Variants in RASSF3 observed in about 807,000 individuals in gnomAD.
RASSF3 encodes the protein ras association domain-containing protein 3.
In RASSF3, 19 loss-of-function variants were observed where a neutral mutation model predicts 19.9. The ratio of observed to expected loss-of-function variants is 0.96; its 90% CI spans 0.67 to 1.40. The LOEUF (loss-of-function observed/expected upper bound fraction) is 1.40. Ranked by LOEUF, RASSF3 falls within the 40% of genes most tolerant of loss-of-function variation. RASSF3 has a pLI of 0.00. For synonymous variants in RASSF3, 110 were observed against 104.2 expected, an observed-to-expected ratio of 1.06 and a Z score of -0.34; for missense variants, 306 against 289.8, an observed-to-expected ratio of 1.06 and a Z score of -0.41.
intron 1 of RASSF3, among the ~76,000 whole-genome samples, chr12:64,623,499 A>G (rs1870867701): frequency 6.6e-6 from 1 of 152,174 alleles, no homozygotes; most frequent in African/African-American, 2.4e-5. Flanking sequence ...AAATGTAAAT[A>G]TTATGTAGAT....
At chr12:64,566,099 G>T (rs1869426659) in intron 2 of RASSF3, among the ~76,000 whole-genome samples, 1 of 151,484 alleles carries the variant, frequency 6.6e-6, no homozygotes, top group Non-Finnish European at 1.5e-5. Flanking sequence ...TACTCAGGAG[G>T]CTGAGGCAGG....
chr12:64,670,544 C>CTTTT (rs34897392), intron 1 of RASSF3, among the ~76,000 whole-genome samples: 1 of 131,334 alleles, frequency 7.6e-6, no homozygotes, highest in Non-Finnish European at 1.6e-5. Flanking sequence ...CTCTCTCTCT[C>CTTTT]TTTTTTTTTT....
At chr12:64,655,632 C>T (rs1872129894) in intron 1 of RASSF3, among the ~76,000 whole-genome samples, 1 of 152,022 alleles carries the variant, frequency 6.6e-6, no homozygotes, top group South Asian at 2.1e-4. Flanking sequence ...ATATCTTAGT[C>T]ACTGTTACTT....
intron 1 of RASSF3, among the ~76,000 whole-genome samples, chr12:64,524,183 C>G (rs957123266): frequency 1.3e-5 from 2 of 151,828 alleles, no homozygotes; most frequent in Non-Finnish European, 2.9e-5. Context: ...TCCCAAGTAG[C>G]TGGGACTACA....
At chr12:64,640,780 C>T (rs12367950) in intron 1 of RASSF3, among the ~76,000 whole-genome samples, 21,623 of 151,994 alleles carry the variant, frequency 0.14, 2,243 homozygotes, top group African/African-American at 0.3. Flanking sequence ...ATAGCTGGGA[C>T]TAGAGGCATG....
chr12:64,560,186 G>A lies in RASSF3; in HGVS notation c.294+18481G>A, dbSNP rs78452820. 4.4e-3 allele frequency among the ~76,000 whole-genome samples: 667 copies of A among 152,312 alleles called. 9 individuals are homozygous for A. The highest frequency in any genetic ancestry group is 0.01 in the Middle Eastern group (3 of 294). On this transcript the variant is annotated intron_variant, in intron 2 of 5. Coordinates refer to the RASSF3 transcript ENST00000637125. ...TCAGATGCCCCCATCCCATGTTTCA[G>A]AGTCCCAGATTCCTCCAAACAGGGC...
chr12:64,564,128 C>T (rs2136126874), intron 2 of RASSF3, among the ~76,000 whole-genome samples: 1 of 152,296 alleles, frequency 6.6e-6, no homozygotes, highest in Middle Eastern at 3.4e-3. Context: ...TTTCAATATA[C>T]AGTATCCCAA....
chr12:64,520,094 A>G (rs980971143), intron 1 of RASSF3, among the ~76,000 whole-genome samples: 20 of 152,238 alleles, frequency 1.3e-4, no homozygotes, highest in African/African-American at 4.8e-4. Flanking sequence ...AACCTGGCAC[A>G]CAATAAGTAC....
intron 1 of RASSF3, among the ~76,000 whole-genome samples, chr12:64,680,969 C>T (rs1193146243): frequency 6.6e-6 from 1 of 152,080 alleles, no homozygotes; most frequent in Non-Finnish European, 1.5e-5. Context: ...AAGGATGTCT[C>T]AGTTATCTAT....
chr12:64,606,680 C>A (rs1039435176), upstream of RASSF3, among the ~76,000 whole-genome samples: 2 of 151,902 alleles, frequency 1.3e-5, no homozygotes, highest in Non-Finnish European at 2.9e-5. Flanking sequence ...CCGGGTGAGG[C>A]GGTGCGTGCC....
At chr12:64,553,748 G>A (rs1041325757) in intron 2 of RASSF3, among the ~76,000 whole-genome samples, 2 of 152,090 alleles carry the variant, frequency 1.3e-5, no homozygotes, top group African/African-American at 4.8e-5. Context: ...AGGTGGAGGT[G>A]GGTGAATCAC....
Position 64,656,670 on chromosome 12 carries a change from T to TA in RASSF3, c.112-28109dup, listed in dbSNP as rs886597813. Among the ~76,000 whole-genome samples, 163 of 152,100 alleles carry TA rather than the reference T, an allele frequency of 1.1e-3. 1 individual carries two copies. Among genetic ancestry groups the TA allele is most frequent in the African/African-American group, 3.5e-3 (147 of 41,504 alleles). ...AAGCCTGAGTCTATAAACTCAGAGA[T>TA]AAAAAAAATCACACCAGGCTGAAGC... On this transcript the variant is annotated intron_variant, in intron 1 of 4. Transcript: ENST00000542104.
chr12:64,646,022 A>G (rs1871718648), intron 1 of RASSF3, among the ~76,000 whole-genome samples: 1 of 152,206 alleles, frequency 6.6e-6, no homozygotes, highest in South Asian at 2.1e-4. Context: ...CTTTTGCCCA[A>G]GTCAGTGCCA....
At chr12:64,596,918 C>T (rs911690528) in intron 2 of RASSF3, among the ~76,000 whole-genome samples, 6 of 151,726 alleles carry the variant, frequency 4.0e-5, no homozygotes, top group African/African-American at 4.8e-5. Flanking sequence ...TAGTAGAGAT[C>T]GGGTTTCTCC....
Position 64,691,660 on chromosome 12 carries a change from TTGATGGGGGATGGG to T in RASSF3, c.567+82_567+95del, listed in dbSNP as rs1463493024. The T allele has an allele frequency of 1.2e-5, 3 of 253,534 alleles. No individual in the cohort carries two copies. In the Admixed American group the frequency reaches 1.6e-4, roughly 13 times the overall value. 15.7% of individuals were successfully genotyped at this position (253,534 alleles called of 1,614,324 possible). A position where few individuals can be genotyped will look rare whatever the true frequency, so the allele number is the denominator to read the frequency against. On this transcript the variant is annotated intron_variant, in intron 4 of 4. Transcript: ENST00000542104. ...TTGCAGTAGCCTAGTGACTTGGCTA[TTGATGGGGGATGGG>T]AAGAGAAGAGAGTTGGAGGGCAGGG...
chr12:64,545,323 T>G (rs911051583), downstream of RASSF3, among the ~76,000 whole-genome samples: 3 of 152,220 alleles, frequency 2.0e-5, no homozygotes, highest in Non-Finnish European at 4.4e-5. Context: ...TTTGCAAAGT[T>G]TCTCAAAAGG....
At position 64,686,589 on chromosome 12, in the gene RASSF3, C is replaced by T. The variant is rs775682845; in HGVS notation, c.220-1627C>T. Among the ~76,000 whole-genome samples, 19 of 151,050 alleles carry T rather than the reference C, an allele frequency of 1.3e-4. 1 individual carries two copies. The highest frequency in any genetic ancestry group is 2.6e-4 in the Admixed American group (4 of 15,172). Reference sequence around the variant, plus strand: ...TCGTGCCACTGCACTCCAGCCTAGGCGACAGAGCAAGACTCCATCTCAAAA... The same window carrying T: ...TCGTGCCACTGCACTCCAGCCTAGGTGACAGAGCAAGACTCCATCTCAAAA... On this transcript the variant is annotated intron_variant, in intron 2 of 4. Coordinates refer to ENST00000542104, the MANE Select transcript of RASSF3 (RefSeq NM_178169.4).
At chr12:64,657,544 C>T (rs1217222998) in intron 1 of RASSF3, among the ~76,000 whole-genome samples, 1 of 152,200 alleles carries the variant, frequency 6.6e-6, no homozygotes, top group Non-Finnish European at 1.5e-5. Flanking sequence ...CCAGGCCAGG[C>T]ACCCTTTTCA....
intron 2 of RASSF3, among the ~76,000 whole-genome samples, chr12:64,578,709 C>A (rs1051004934): frequency 1.1e-4 from 17 of 152,180 alleles, no homozygotes; most frequent in African/African-American, 4.1e-4. Flanking sequence ...GGTCGTGAAA[C>A]TAAATCCACC....
Sources: gnomAD v4.1 joint callset for allele counts (sites outside exome capture counted in the v4.1 genomes callset) on GRCh38, gnomAD v4.1.1 for gene constraint, MANE v1.5 for transcripts, NCBI Gene and HGNC (gene_info 2026-07-23, HGNC 2026-07-21) for gene names.